The following ARHGEF33 variants were observed in gnomAD, a reference collection of about 807,000 sequenced individuals.
ARHGEF33 encodes the protein DH and coiled-coil domain-containing protein ENSP00000381780.
In ARHGEF33, 72 loss-of-function variants were observed where a neutral mutation model predicts 101.9. The observed-to-expected ratio is 0.71, with a 90% confidence interval of 0.58 to 0.86. The LOEUF is 0.86. Among genes scored for constraint, ARHGEF33 ranks in the 40% least tolerant of loss-of-function variants. The pLI, the probability that ARHGEF33 is intolerant of heterozygous loss-of-function variation, is 0.00. For synonymous variants in ARHGEF33, 499 were observed against 442.5 expected (o/e 1.13, Z -1.60); for missense variants, 1,169 against 1,111.3 (o/e 1.05, Z -0.74).
At chr2:38,909,706 A>ATT (rs71813216) in intron 2 of ARHGEF33, among the ~76,000 whole-genome samples, 108 of 111,832 alleles carry the variant, frequency 9.7e-4, no homozygotes, top group African/African-American at 2.7e-3. Flanking sequence ...TTCAAGGATG[A>ATT]TTTTTTTTTT....
At chr2:38,947,356 A>C (rs1667477313) in intron 10 of ARHGEF33, among the ~76,000 whole-genome samples, 1 of 152,074 alleles carries the variant, frequency 6.6e-6, no homozygotes. Flanking sequence ...GCTGGCTGAA[A>C]CCTGGGCAGA....
At chr2:38,896,650 G>A (rs1215211928) in intron 2 of ARHGEF33, among the ~76,000 whole-genome samples, 3 of 152,138 alleles carry the variant, frequency 2.0e-5, no homozygotes, top group African/African-American at 4.8e-5. Flanking sequence ...GTCACAAAAT[G>A]AAATAAGTAG....
intron 1 of ARHGEF33, among the ~76,000 whole-genome samples, chr2:38,891,642 TTTG>T (rs1666008126): frequency 6.6e-6 from 1 of 152,228 alleles, no homozygotes; most frequent in African/African-American, 2.4e-5. Context: ...AATATTTCTC[TTTG>T]TTTGGATTTT....
In ARHGEF33 at chr2:38,937,119, T is replaced by C. The variant is rs1349972281; in HGVS notation, c.566-216T>C. The stretch of plus-strand genomic sequence containing the variant: ...AAGCGATTCTCCTGCCTCAGCCTCC[T>C]GAGTAGCTGGGACTACAGGTGCCCG... On this transcript the variant is annotated intron_variant, in intron 8 of 17. Transcript: ENST00000409978. 1.1e-4 allele frequency: 51 copies of C among 444,722 alleles called. 1 individual carries two copies. Among genetic ancestry groups the C allele is most frequent in the African/African-American group, 7.1e-4 (35 of 49,216 alleles). 27.5% of individuals were successfully genotyped at this position (444,722 alleles called of 1,614,324 possible).
At chr2:38,923,648 G>T (rs1183849004) in intron 4 of ARHGEF33, among the ~76,000 whole-genome samples, 1 of 152,082 alleles carries the variant, frequency 6.6e-6, no homozygotes, top group Non-Finnish European at 1.5e-5. Flanking sequence ...AATATGAGTT[G>T]AATGAATGAA....
chr2:38,966,248 C>T, intron 17 of ARHGEF33, 103 bp downstream of exon 17: 1 of 1,406,480 alleles, frequency 7.1e-7, no homozygotes, highest in Admixed American at 2.5e-5. Flanking sequence ...TCTCACACAA[C>T]TGCTTCAAGT....
At chr2:38,957,829 T>A in intron 14 of ARHGEF33, 1 of 577,728 alleles carries the variant, frequency 1.7e-6, no homozygotes, top group Non-Finnish European at 3.0e-6. Context: ...CCCCAAGCTC[T>A]TTTCAGCCAG....
chr2:38,956,378 T>A (rs1667768030), intron 13 of ARHGEF33, among the ~76,000 whole-genome samples: 1 of 152,188 alleles, frequency 6.6e-6, no homozygotes, highest in Non-Finnish European at 1.5e-5. Context: ...ATAATATACA[T>A]AAAGGGCTTA....
chr2:38,938,215 C>T (rs975476127), intron 9 of ARHGEF33, among the ~76,000 whole-genome samples: 20 of 152,108 alleles, frequency 1.3e-4, no homozygotes, highest in Middle Eastern at 6.8e-3. Flanking sequence ...AGGCTGGGTA[C>T]ACAGTCTTCC....
chr2:38,902,912 A>G (rs568503255), intron 2 of ARHGEF33, among the ~76,000 whole-genome samples: 6 of 152,312 alleles, frequency 3.9e-5, no homozygotes, highest in African/African-American at 1.4e-4. Context: ...TGTATGGGTC[A>G]AAGAAGGCCT....
At chr2:38,959,755 G>T in intron 15 of ARHGEF33, 86 bp from the exon 16 acceptor site, 1 of 1,373,272 alleles carries the variant, frequency 7.3e-7, no homozygotes, top group Non-Finnish European at 9.7e-7. Flanking sequence ...GCCTCGGAGC[G>T]CGGCCCCGAG....
rs1354257478 is a variant in ARHGEF33 at position 38,965,000 on chromosome 2, TTC to T, written c.2344-1004_2344-1003del. ...GAATCTTAGTAGAATCTCAGAGAAT[TTC>T]TGTATCTGCAACCCCCAGTTCTCAA... On this transcript the variant is annotated intron_variant, in intron 16 of 17. Coordinates refer to ENST00000409978, the MANE Select transcript of ARHGEF33 (RefSeq NM_001145451.5). Among the ~76,000 whole-genome samples, 10 of 152,192 alleles carry T rather than the reference TTC, an allele frequency of 6.6e-5. No homozygotes were observed. In the East Asian group the frequency reaches 1.9e-3, roughly 29 times the overall value.
At chr2:38,915,675 A>G (rs1455000828) in intron 2 of ARHGEF33, among the ~76,000 whole-genome samples, 2 of 152,082 alleles carry the variant, frequency 1.3e-5, no homozygotes, top group Non-Finnish European at 2.9e-5. Flanking sequence ...CCTGGCCTCT[A>G]ATGTAGTTTT....
intron 2 of ARHGEF33, among the ~76,000 whole-genome samples, chr2:38,910,757 T>C (rs921116019): frequency 6.6e-6 from 1 of 152,224 alleles, no homozygotes; most frequent in African/African-American, 2.4e-5. Context: ...TTCTTCCTTG[T>C]ATCAGTCCAT....
chr2:38,907,302 G>T (rs889756053), intron 2 of ARHGEF33, among the ~76,000 whole-genome samples: 1 of 152,200 alleles, frequency 6.6e-6, no homozygotes, highest in African/African-American at 2.4e-5. Flanking sequence ...CTCACTGGGA[G>T]TCTTTGTTCA....
chr2:38,908,233 AAG>A (rs1270031569), intron 2 of ARHGEF33, among the ~76,000 whole-genome samples: 3 of 152,110 alleles, frequency 2.0e-5, no homozygotes, highest in Admixed American at 6.6e-5. Context: ...ATTGAGATTA[AAG>A]AGAGTCAAGT....
At chr2:38,904,861 G>A (rs1666353390) in intron 2 of ARHGEF33, among the ~76,000 whole-genome samples, 1 of 152,160 alleles carries the variant, frequency 6.6e-6, no homozygotes, top group African/African-American at 2.4e-5. Flanking sequence ...TCCTAGAGAC[G>A]TTTAGGCATG....
intron 17 of ARHGEF33, chr2:38,969,578 A>T (rs1223134209): frequency 1.8e-5 from 3 of 168,966 alleles, no homozygotes; most frequent in Non-Finnish European, 2.9e-5. Flanking sequence ...TGACATCATT[A>T]AAAAAATCCT....
intron 17 of ARHGEF33, among the ~76,000 whole-genome samples, chr2:38,971,365 C>T (rs1219619771): frequency 1.3e-5 from 2 of 152,198 alleles, no homozygotes; most frequent in African/African-American, 4.8e-5. Flanking sequence ...AGCCATGGTA[C>T]CCTTCCCCAG....
Sources: gnomAD v4.1 joint callset for allele counts (sites outside exome capture counted in the v4.1 genomes callset) on GRCh38, gnomAD v4.1.1 for gene constraint, MANE v1.5 for transcripts, NCBI Gene and HGNC (gene_info 2026-07-23, HGNC 2026-07-21) for gene names.